Variants in FAR1 observed in about 807,000 individuals in gnomAD.
FAR1 encodes the protein fatty acyl-CoA reductase 1.
A neutral mutation model predicts 61.1 loss-of-function variants in FAR1; 22 were observed. The ratio of observed to expected loss-of-function variants is 0.36; its 90% confidence interval spans 0.26 to 0.51. The LOEUF is 0.51. FAR1 is among the 20% of genes least tolerant of loss of function. FAR1 has a pLI of 0.95. For synonymous variants in FAR1, 206 were observed against 209.7 expected, an observed-to-expected ratio of 0.98 and a Z score of 0.15; for missense variants, 359 against 626.9, an observed-to-expected ratio of 0.57 and a Z score of 4.56.
rs185514800 is a variant in FAR1 at position 13,679,726 on chromosome 11, G to A, written c.-8+10920G>A. 2.2e-3 allele frequency among the ~76,000 whole-genome samples: 329 copies of A among 152,192 alleles called. 1 individual carries two copies. Among genetic ancestry groups the A allele is most frequent in the Non-Finnish European group, 1.9e-3 (126 of 68,008 alleles). On this transcript the variant is annotated intron_variant, in intron 1 of 11. Transcript: ENST00000354817. ...TAGAGTAGAATTTGACTTTTTAAAG[G>A]TGTCTTTATGTTTGATTTTTACATC...
intron 2 of FAR1, 93 bp from the exon 3 acceptor site, chr11:13,700,224 A>C (rs566033321): frequency 2.2e-6 from 2 of 907,600 alleles, no homozygotes; most frequent in African/African-American, 1.8e-5. Context: ...TTTCTAAAAA[A>C]ATAGTCATCC....
chr11:13,689,827 G>C (rs1452260512), intron 1 of FAR1, among the ~76,000 whole-genome samples: 3 of 149,352 alleles, frequency 2.0e-5, no homozygotes, highest in Non-Finnish European at 3.0e-5. Context: ...GTTTTAACTT[G>C]ATAACTAATG....
rs1330567307 is a variant in FAR1 at position 13,710,822 on chromosome 11, A to C, written c.675A>C (p.Ala225=). The change falls in exon 5 of 12, where the codon GCA becomes GCC. Residue 225 remains alanine (A), a synonymous_variant. Transcript: ENST00000354817. ...AAGAAGGAGCAAAACTAAATGTGGCAATTGTAAGGCCATCGATTGTTGGTG... is the reference window on the plus strand; with the variant it reads ...AAGAAGGAGCAAAACTAAATGTGGCCATTGTAAGGCCATCGATTGTTGGTG... ...VQQEGAKLNV[A]IVRPSIVGAS... 3.7e-6 allele frequency: 6 copies of C among 1,612,842 alleles called. No individual in the cohort carries two copies. Among genetic ancestry groups the C allele is most frequent in the Non-Finnish European group, 8.5e-7 (1 of 1,179,480 alleles).
intron 4 of FAR1, among the ~76,000 whole-genome samples, chr11:13,708,310 A>G (rs1005934110): frequency 6.6e-6 from 1 of 151,744 alleles, no homozygotes; most frequent in African/African-American, 2.4e-5. Context: ...GTGAGCCGAG[A>G]TGGCGCCACT....
In FAR1 at chr11:13,694,759, G is replaced by A; in HGVS notation, c.-7G>A. 1.2e-6 allele frequency: 2 copies of A among 1,605,230 alleles called. No individual in the cohort carries two copies. On this transcript the variant is annotated splice_region_variant and 5_prime_UTR_variant, in exon 2 of 12. Coordinates refer to ENST00000354817, the MANE Select transcript of FAR1 (RefSeq NM_032228.6). ...TGCTTATTTGCCATGTTTTTCTTAG[G>A]ATCAAAATGGTTTCAATCCCAGAAT...
At position 13,721,113 on chromosome 11, in the gene FAR1, A is replaced by G. The variant is rs892672417; in HGVS notation, c.1128-617A>G. ...GGTATGGAGAGGTGAGTGGATATCT[A>G]TTTCAGATAGTTTTCAGCATGAGTC... is the stretch of plus-strand genomic sequence containing the variant. On this transcript the variant is annotated intron_variant, in intron 9 of 11. Transcript: ENST00000354817. This position sits in a 1 kb window ranked among gnomAD's most constrained non-coding sequence, Gnocchi z 4.2. 3 of 152,200 alleles carry G rather than the reference A, an allele frequency of 2.0e-5. No individual in the cohort carries two copies. The highest frequency in any genetic ancestry group is 2.0e-4 in the Admixed American group (3 of 15,272). The allele number at this position is 152,200 out of a possible 1,614,324, so 9.4% of individuals were successfully genotyped here.
Position 13,711,764 on chromosome 11 carries a change from G to T in FAR1, c.724G>T (p.Gly242Ter). 2 of 1,595,668 alleles carry T rather than the reference G, an allele frequency of 1.3e-6. No homozygotes were observed. The highest frequency in any genetic ancestry group is 1.7e-6 in the Non-Finnish European group (2 of 1,171,494). ...VGASWKEPFP[G>*]WIDNFNGPSG... ...TCCCTTTTAAAATTTTTGGTATTAG[G>T]GATGGATTGATAACTTTAATGGACC... The change falls in exon 6 of 12, where the codon GGA (glycine) becomes TGA (stop). Residue 242 changes from glycine to a stop codon, truncating the protein, a stop_gained and splice_region_variant. Coordinates refer to ENST00000354817, the MANE Select transcript of FAR1 (RefSeq NM_032228.6). LOFTEE classifies it high-confidence loss of function.
intron 1 of FAR1, among the ~76,000 whole-genome samples, chr11:13,688,752 C>T (rs1485729568): frequency 6.6e-6 from 1 of 152,094 alleles, no homozygotes; most frequent in Non-Finnish European, 1.5e-5. Flanking sequence ...TTAATACCTA[C>T]TTGTTAGGAA....
Position 13,700,367 on chromosome 11 carries a change from A to G in FAR1, c.240A>G (p.Ile80Met), listed in dbSNP as rs767316052. The part of the protein sequence containing the change: ...DENPDFREKI[I>M]AINSELTQPK... Reference sequence around the variant, plus strand: ...ATCCAGATTTTAGAGAGAAAATTATAGCAATCAACAGCGAACTCACCCAAC... The same window carrying G: ...ATCCAGATTTTAGAGAGAAAATTATGGCAATCAACAGCGAACTCACCCAAC... Residue 80 changes from isoleucine to methionine, a missense_variant, in exon 3 of 12, where the codon ATA (isoleucine) becomes ATG (methionine). Physicochemically the swap from Ile to Met is conservative, Grantham distance 10. Coordinates refer to ENST00000354817, the MANE Select transcript of FAR1 (RefSeq NM_032228.6). 1.3e-6 allele frequency: 2 copies of G among 1,599,566 alleles called. No homozygotes were observed. The highest frequency in any genetic ancestry group is 1.8e-5 in the Admixed American group (1 of 56,578).
At chr11:13,680,481 A>G (rs1357146619) in intron 1 of FAR1, among the ~76,000 whole-genome samples, 1 of 152,202 alleles carries the variant, frequency 6.6e-6, no homozygotes, top group Non-Finnish European at 1.5e-5. Flanking sequence ...TTGTAAAGAA[A>G]AGAGGTTTAT....
chr11:13,671,522 A>G (rs1848004179), intron 1 of FAR1, among the ~76,000 whole-genome samples: 1 of 152,188 alleles, frequency 6.6e-6, no homozygotes, highest in Non-Finnish European at 1.5e-5. Context: ...AAGTGAAAGT[A>G]AGGTTATTGA....
intron 4 of FAR1, among the ~76,000 whole-genome samples, chr11:13,710,334 CTT>C: frequency 6.6e-6 from 1 of 152,070 alleles, no homozygotes; most frequent in Admixed American, 6.5e-5. Flanking sequence ...TAAGAAAAAA[CTT>C]TAACTTGATC....
At position 13,668,734 on chromosome 11, in the gene FAR1, C is replaced by G. The variant is rs1197937794; in HGVS notation, c.-80C>G. The G allele has an allele frequency of 6.5e-6, 1 of 154,196 alleles. No individual in the cohort carries two copies. Among genetic ancestry groups the G allele is most frequent in the Admixed American group, 6.6e-5 (1 of 15,126 alleles). The allele number at this position is 154,196 out of a possible 1,614,324, so 9.6% of individuals were successfully genotyped here. A position where few individuals can be genotyped will look rare whatever the true frequency, so the allele number is the denominator to read the frequency against. On this transcript the variant is annotated 5_prime_UTR_variant, in exon 1 of 12. Transcript: ENST00000354817. Reference sequence around the variant, plus strand: ...GGAAAAGCGAGTGAAGAGAGCGCGACGGCGGCGGCGGCGGCGGCGCAGCTA... The same window carrying G: ...GGAAAAGCGAGTGAAGAGAGCGCGAGGGCGGCGGCGGCGGCGGCGCAGCTA...
intron 1 of FAR1, among the ~76,000 whole-genome samples, chr11:13,671,031 G>A (rs1014077609): frequency 1.4e-4 from 22 of 152,286 alleles, no homozygotes; most frequent in Middle Eastern, 3.4e-3. Flanking sequence ...TTAACTAATG[G>A]ACCATTATTT....
intron 1 of FAR1, among the ~76,000 whole-genome samples, chr11:13,675,792 A>G (rs1004804904): frequency 1.3e-5 from 2 of 152,208 alleles, no homozygotes; most frequent in African/African-American, 2.4e-5. Context: ...TATCTAGTTT[A>G]GATCATTCTT....
At chr11:13,679,298 G>A (rs1309035354) in intron 1 of FAR1, among the ~76,000 whole-genome samples, 3 of 152,004 alleles carry the variant, frequency 2.0e-5, no homozygotes, top group African/African-American at 7.2e-5. Flanking sequence ...GGTAAAAAGT[G>A]ATCAAGCACA....
intron 1 of FAR1, among the ~76,000 whole-genome samples, chr11:13,687,096 A>G (rs1165891923): frequency 1.3e-5 from 2 of 152,238 alleles, no homozygotes; most frequent in African/African-American, 4.8e-5. Context: ...CTCTTAGTGC[A>G]TTTATAAATG....
At chr11:13,713,201 A>G in intron 8 of FAR1, 168 bp downstream of exon 8, 1 of 629,316 alleles carries the variant, frequency 1.6e-6, no homozygotes, top group Non-Finnish European at 2.8e-6. Flanking sequence ...TGTGGTCCTT[A>G]ATAATGTTTC....
chr11:13,703,435 G>A (rs1848398183), intron 3 of FAR1, among the ~76,000 whole-genome samples: 1 of 152,102 alleles, frequency 6.6e-6, no homozygotes, highest in African/African-American at 2.4e-5. Context: ...ATAAAAAATG[G>A]CATGAAGCTT....
Sources: allele counts gnomAD v4.1 joint callset (sites outside exome capture counted in the v4.1 genomes callset), GRCh38; gene constraint gnomAD v4.1.1; non-coding constraint Gnocchi (gnomAD v3.1); transcripts MANE v1.5; gene names NCBI Gene and HGNC (gene_info 2026-07-23, HGNC 2026-07-21).